Variants in ZNF717 observed in about 807,000 individuals in gnomAD.
ZNF717 encodes the protein krueppel-like factor X17.
Under a neutral mutation model 13.8 loss-of-function variants are expected in ZNF717, and 9 were observed. The ratio of observed to expected loss-of-function variants is 0.65; its 90% CI spans 0.39 to 1.14. The LOEUF is 1.14. Ranked by LOEUF, ZNF717 falls within the 50% of genes most tolerant of loss-of-function variation. The pLI is 0.01. For synonymous variants in ZNF717, 327 were observed against 364.1 expected, an observed-to-expected ratio of 0.90 and a Z score of 1.16; for missense variants, 1,040 against 1,080.7, an observed-to-expected ratio of 0.96 and a Z score of 0.53.
At chr3:75,774,265 T>A (rs1346331371) in intron 2 of ZNF717, among the ~76,000 whole-genome samples, 1 of 151,946 alleles carries the variant, frequency 6.6e-6, no homozygotes, top group Non-Finnish European at 1.5e-5. Context: ...GAGTAAAGAT[T>A]TTTGCCCTTT....
chr3:75,740,647 T>C (rs1161602850), intron 4 of ZNF717, among the ~76,000 whole-genome samples: 187 of 148,566 alleles, frequency 1.3e-3, no homozygotes, highest in Non-Finnish European at 2.2e-3. Flanking sequence ...GCCTGGGCAA[T>C]AGAACAAGAC....
intron 2 of ZNF717, among the ~76,000 whole-genome samples, chr3:75,752,021 T>A (rs796437128): frequency 2.7e-5 from 4 of 150,640 alleles, no homozygotes; most frequent in South Asian, 4.2e-4. Context: ...ACTCCTACTG[T>A]GATCTTAATG....
chr3:75,759,702 G>T (rs2107534583), intron 2 of ZNF717, among the ~76,000 whole-genome samples: 1 of 152,144 alleles, frequency 6.6e-6, no homozygotes, highest in Admixed American at 6.5e-5. Flanking sequence ...CTGAGTAGCT[G>T]GGACTACAGA....
chr3:75,760,219 T>C (rs1243484444), intron 2 of ZNF717, among the ~76,000 whole-genome samples: 3 of 151,704 alleles, frequency 2.0e-5, no homozygotes, highest in East Asian at 2.0e-4. Flanking sequence ...TTTTTTTCTA[T>C]TTTTAGTAAA....
At chr3:75,777,516 T>C (rs112706911) in intron 2 of ZNF717, among the ~76,000 whole-genome samples, 28 of 108,926 alleles carry the variant, frequency 2.6e-4, no homozygotes, top group Non-Finnish European at 2.9e-4. Context: ...GTGCTAAAAC[T>C]GGAACCCAAA....
chr3:75,721,279 T>C (rs1176176706), intron 4 of ZNF717, among the ~76,000 whole-genome samples: 1 of 149,764 alleles, frequency 6.7e-6, no homozygotes, highest in Non-Finnish European at 1.5e-5. Context: ...GATGTTTTTG[T>C]TTATTTATTT....
intron 2 of ZNF717, among the ~76,000 whole-genome samples, chr3:75,751,956 C>T (rs1259360684): frequency 6.6e-6 from 1 of 151,946 alleles, no homozygotes; most frequent in Non-Finnish European, 1.5e-5. Context: ...ACATGGGATT[C>T]CAGAACACTG....
chr3:75,769,688 T>C (rs578230383), intron 2 of ZNF717, among the ~76,000 whole-genome samples: 4 of 152,360 alleles, frequency 2.6e-5, no homozygotes, highest in African/African-American at 4.8e-5. Flanking sequence ...AAAACTACAA[T>C]TGCCTACTTA....
chr3:75,744,579 G>GT (rs1177861796), intron 2 of ZNF717, among the ~76,000 whole-genome samples: 4 of 152,160 alleles, frequency 2.6e-5, no homozygotes, highest in Non-Finnish European at 4.4e-5. Flanking sequence ...AACTCAAACC[G>GT]TAACTGGTGA....
intron 2 of ZNF717, among the ~76,000 whole-genome samples, chr3:75,751,350 G>A (rs797004252): frequency 6.6e-6 from 1 of 150,598 alleles, no homozygotes. Flanking sequence ...ACTGCTAGGA[G>A]CATCTGAATG....
chr3:75,752,225 C>T (rs1941901491), intron 2 of ZNF717, among the ~76,000 whole-genome samples: 1 of 151,378 alleles, frequency 6.6e-6, no homozygotes, highest in Admixed American at 6.6e-5. Flanking sequence ...GTTTTTCCCT[C>T]ACATAGGATT....
intron 2 of ZNF717, among the ~76,000 whole-genome samples, chr3:75,770,421 G>A (rs1211142803): frequency 5.3e-5 from 8 of 152,270 alleles, no homozygotes; most frequent in East Asian, 1.9e-4. Context: ...TTAGCTGGGC[G>A]TGGTGGCACA....
intron 6 of ZNF717, among the ~76,000 whole-genome samples, chr3:75,697,337 A>C (rs1333400122): frequency 7.0e-4 from 106 of 150,662 alleles, no homozygotes; most frequent in African/African-American, 2.4e-3. Context: ...TCTCATATTT[A>C]AATGTAATTC....
chr3:75,707,665 G>C (rs1259207129), downstream of ZNF717, among the ~76,000 whole-genome samples: 1 of 152,190 alleles, frequency 6.6e-6, no homozygotes, highest in African/African-American at 2.4e-5. Context: ...GCCTCACTCA[G>C]GAAGCTCACG....
chr3:75,737,737 C>A lies in ZNF717; in HGVS notation c.1886G>T (p.Arg629Leu), dbSNP rs1615736. ...ATGGGTGCTGAGATTTGACTTCTGA[C>A]GAAAGGTTTTTCCACATTCATTACA... ...YECNECGKTF[R>L]QKSNLSTHQG... The change falls in exon 5 of 5, where the codon CGT (arginine) becomes CTT (leucine). Residue 629 changes from arginine (R) to leucine (L), a missense_variant. This residue lies in a region of ZNF717 where 873 missense variants were observed against 832.8 expected (regional missense o/e 1.05). Coordinates refer to ENST00000652011, the MANE Select transcript of ZNF717 (RefSeq NM_001290208.3). 2 of 1,547,758 alleles carry A rather than the reference C, an allele frequency of 1.3e-6. No homozygotes were observed. The highest frequency in any genetic ancestry group is 1.7e-6 in the Non-Finnish European group (2 of 1,145,092).
chr3:75,727,881 T>C (rs1384954579), downstream of ZNF717, among the ~76,000 whole-genome samples: 6 of 152,374 alleles, frequency 3.9e-5, no homozygotes, highest in African/African-American at 1.2e-4. Context: ...GTCGCCATCA[T>C]AGTCCTACCA....
chr3:75,716,158 T>G (rs1938046691), intron 5 of ZNF717, among the ~76,000 whole-genome samples: 4 of 151,018 alleles, frequency 2.6e-5, no homozygotes, highest in African/African-American at 9.8e-5. Flanking sequence ...TTTTTTGTAT[T>G]TTAATAGAGA....
chr3:75,774,610 GTTTTTTTTTTTTTT>G (rs537149833), intron 2 of ZNF717, among the ~76,000 whole-genome samples: 1 of 80,216 alleles, frequency 1.2e-5, no homozygotes, highest in Non-Finnish European at 2.3e-5. Flanking sequence ...AATTCTTGTG[GTTTTTTTTTTTTTT>G]TTTTTTTTTT....
intron 6 of ZNF717, among the ~76,000 whole-genome samples, chr3:75,697,971 G>A (rs1164508140): frequency 4.6e-5 from 7 of 152,270 alleles, no homozygotes; most frequent in African/African-American, 1.7e-4. Flanking sequence ...CCAAAACAAA[G>A]GTCACGCATG....
Sources: allele counts gnomAD v4.1 joint callset (sites outside exome capture counted in the v4.1 genomes callset), GRCh38; gene constraint gnomAD v4.1.1; regional missense constraint gnomAD v4.1.1; transcripts MANE v1.5; gene names NCBI Gene and HGNC (gene_info 2026-07-23, HGNC 2026-07-21).